TTC39C: variants seen among roughly 807,000 people sequenced by gnomAD.
TTC39C encodes the protein tetratricopeptide repeat protein 39C.
TTC39C carries 33 observed loss-of-function variants against 76.3 expected under a neutral mutation model. The ratio of observed to expected loss-of-function variants is 0.43; its 90% CI spans 0.33 to 0.58. The LOEUF (loss-of-function observed/expected upper bound fraction) is 0.58, where lower values mean the gene tolerates loss of function less well. Among genes scored for constraint, TTC39C ranks in the 20% least tolerant of loss-of-function variants. The pLI is 0.04. For synonymous variants in TTC39C, 254 were observed against 260.6 expected, an observed-to-expected ratio of 0.97 and a Z score of 0.24; for missense variants, 595 against 701.4, an observed-to-expected ratio of 0.85 and a Z score of 1.71.
At chr18:24,045,908 TATATA>T (rs2083866599) in intron 1 of TTC39C, among the ~76,000 whole-genome samples, 3 of 38,564 alleles carry the variant, frequency 7.8e-5, no homozygotes, top group South Asian at 1.2e-3. Context: ...TATATATATA[TATATA>T]TATATATATA....
intron 1 of TTC39C, among the ~76,000 whole-genome samples, chr18:24,015,628 C>T (rs1286685849): frequency 1.3e-5 from 2 of 152,212 alleles, no homozygotes; most frequent in Admixed American, 1.3e-4. Flanking sequence ...TCTGCCTTGT[C>T]TTCTGCAAAC....
chr18:24,123,754 TC>T, intron 8 of TTC39C, 79 bp from the exon 9 acceptor site: 2 of 1,018,068 alleles, frequency 2.0e-6, no homozygotes, highest in East Asian at 2.6e-5. Flanking sequence ...TTTTTTTTTT[TC>T]AAGTATCATC....
chr18:24,078,990 C>T (rs536954472), intron 4 of TTC39C, among the ~76,000 whole-genome samples: 4 of 152,228 alleles, frequency 2.6e-5, no homozygotes, highest in Admixed American at 2.0e-4. Context: ...CTCTCAATTC[C>T]GGGATTGGGT....
chr18:24,064,332 C>A, intron 2 of TTC39C, 144 bp downstream of exon 2: 1 of 801,650 alleles, frequency 1.2e-6, no homozygotes, highest in South Asian at 2.4e-5. Context: ...GCCTATTACC[C>A]AATGCCTATG....
intron 6 of TTC39C, among the ~76,000 whole-genome samples, chr18:24,108,145 C>T (rs1273751050): frequency 1.3e-5 from 2 of 152,154 alleles, no homozygotes; most frequent in Non-Finnish European, 2.9e-5. Flanking sequence ...GTGATTTGTC[C>T]CTGCAGCAGT....
chr18:24,045,887 G>A (rs1245477168), intron 1 of TTC39C, among the ~76,000 whole-genome samples: 3 of 73,302 alleles, frequency 4.1e-5, no homozygotes, highest in East Asian at 4.2e-4. Context: ...ACTTCCTTCT[G>A]TGAAAATATA....
chr18:24,069,712 T>C (rs1221343448), intron 4 of TTC39C, among the ~76,000 whole-genome samples: 1 of 152,206 alleles, frequency 6.6e-6, no homozygotes, highest in Non-Finnish European at 1.5e-5. Flanking sequence ...GATTTGCTAA[T>C]ATACTGGAAT....
At chr18:24,095,333 C>G (rs1171533712) in intron 6 of TTC39C, among the ~76,000 whole-genome samples, 1 of 152,218 alleles carries the variant, frequency 6.6e-6, no homozygotes, top group Non-Finnish European at 1.5e-5. Flanking sequence ...AAACTTTATT[C>G]GTATCAGCAG....
At chr18:24,075,817 C>G (rs28377067) in intron 4 of TTC39C, among the ~76,000 whole-genome samples, 35,027 of 152,040 alleles carry the variant, frequency 0.23, 4,311 homozygotes, top group Middle Eastern at 0.33. Context: ...GATGCTTGCA[C>G]CAGATACAGT....
intron 1 of TTC39C, among the ~76,000 whole-genome samples, chr18:24,036,107 G>T (rs1409217210): frequency 6.6e-6 from 1 of 152,122 alleles, no homozygotes; most frequent in African/African-American, 2.4e-5. Context: ...GGTTTGTGCT[G>T]GTACAACACT....
upstream of TTC39C, among the ~76,000 whole-genome samples, chr18:24,010,917 A>G (rs1170344210): frequency 1.3e-5 from 2 of 152,092 alleles, no homozygotes; most frequent in Non-Finnish European, 2.9e-5. Flanking sequence ...GTGTGGTGAC[A>G]TGTGCCTGTA....
At chr18:23,995,019 G>A (rs535461080) in intron 1 of TTC39C, among the ~76,000 whole-genome samples, 1 of 152,220 alleles carries the variant, frequency 6.6e-6, no homozygotes, top group African/African-American at 2.4e-5. Context: ...TATCACGTGT[G>A]TAGGTTTGTC....
intron 8 of TTC39C, among the ~76,000 whole-genome samples, chr18:24,120,115 G>C (rs2084946875): frequency 6.6e-6 from 1 of 152,176 alleles, no homozygotes; most frequent in African/African-American, 2.4e-5. Flanking sequence ...ATGAGGCAAG[G>C]CCAAGGCAGG....
At position 24,031,766 on chromosome 18, in the gene TTC39C, A is replaced by G. The variant is rs75308874; in HGVS notation, c.167+16728A>G. 9.2e-3 allele frequency among the ~76,000 whole-genome samples: 1,394 copies of G among 152,282 alleles called. 22 individuals are homozygous for G. The highest frequency in any genetic ancestry group is 0.032 in the African/African-American group (1,333 of 41,548). On this transcript the variant is annotated intron_variant, in intron 1 of 13. Transcript: ENST00000317571. ...GCCTCGCCACTAAAATCTCTTTTGC[A>G]GCCTCTGTGGTGGGTTCAAAAATGG...
At chr18:24,046,412 A>G (rs574748635) in intron 1 of TTC39C, among the ~76,000 whole-genome samples, 1 of 151,818 alleles carries the variant, frequency 6.6e-6, no homozygotes, top group Non-Finnish European at 1.5e-5. Flanking sequence ...TAATTACATC[A>G]CATTTTCACA....
At chr18:24,021,299 T>G (rs76791866) in intron 1 of TTC39C, among the ~76,000 whole-genome samples, 104 of 152,194 alleles carry the variant, frequency 6.8e-4, no homozygotes, top group African/African-American at 2.4e-3. Context: ...GCACGTCCTC[T>G]CCTCCCAACA....
intron 7 of TTC39C, among the ~76,000 whole-genome samples, chr18:24,115,470 G>T (rs1039532579): frequency 1.3e-5 from 2 of 152,192 alleles, no homozygotes; most frequent in African/African-American, 4.8e-5. Flanking sequence ...AATGCTACAA[G>T]GTCACACCAT....
intron 6 of TTC39C, among the ~76,000 whole-genome samples, chr18:24,101,378 C>T (rs1453667019): frequency 2.0e-5 from 3 of 150,754 alleles, no homozygotes; most frequent in African/African-American, 4.9e-5. Context: ...GAGGCCAAGG[C>T]GGGCGTTATC....
chr18:24,129,786 A>G (rs1489112201), intron 11 of TTC39C, among the ~76,000 whole-genome samples: 1 of 152,012 alleles, frequency 6.6e-6, no homozygotes, highest in East Asian at 1.9e-4. Context: ...AAAAAAAAAA[A>G]AAAAAAGAAT....
Sources: gnomAD v4.1 joint callset for allele counts (sites outside exome capture counted in the v4.1 genomes callset) on GRCh38, gnomAD v4.1.1 for gene constraint, MANE v1.5 for transcripts, NCBI Gene and HGNC (gene_info 2026-07-23, HGNC 2026-07-21) for gene names.